The following TUBD1 variants were observed in gnomAD, a reference collection of about 807,000 sequenced individuals.
TUBD1 encodes tubulin delta 1.
A neutral mutation model predicts 51.2 loss-of-function variants in TUBD1; 38 were observed. The observed-to-expected ratio is 0.74, with a 90% CI of 0.57 to 0.97. The LOEUF (loss-of-function observed/expected upper bound fraction) is 0.97, where lower values mean the gene tolerates loss of function less well. Among genes scored for constraint, TUBD1 ranks in the 50% least tolerant of loss-of-function variants. The pLI, the probability that TUBD1 is intolerant of heterozygous loss-of-function variation, is 0.00. For missense variants in TUBD1, 489 were observed against 538.4 expected (o/e 0.91, Z 0.91); for synonymous variants, 169 against 178.2 (o/e 0.95, Z 0.41).
chr17:59,872,393 G>A (rs2040022358), intron 6 of TUBD1, among the ~76,000 whole-genome samples: 1 of 152,036 alleles, frequency 6.6e-6, no homozygotes, highest in African/African-American at 2.4e-5. Context: ...TCACATCTGA[G>A]AAGGGATTCA....
chr17:59,864,790 G>A (rs949615545), intron 7 of TUBD1, among the ~76,000 whole-genome samples: 1 of 152,008 alleles, frequency 6.6e-6, no homozygotes, highest in African/African-American at 2.4e-5. Flanking sequence ...CACTGTGACT[G>A]GTCCTATTTT....
In TUBD1 at chr17:59,886,181, A is replaced by T; in HGVS notation, c.222T>A (p.Asn74Lys). 1 of 1,613,948 alleles carries T rather than the reference A, an allele frequency of 6.2e-7. No individual in the cohort carries two copies. The highest frequency in any genetic ancestry group is 1.6e-4 in the Middle Eastern group (1 of 6,062). Residue 74 changes from asparagine (N) to lysine (K), a missense_variant, in exon 3 of 9, where the codon AAT becomes AAA. Coordinates refer to ENST00000325752, the MANE Select transcript of TUBD1 (RefSeq NM_016261.4). ...VLVDMEPKVI[N>K]QMLSKAAQSG... ...ACTGGGCAGCCTTTGACAGCATTTGATTGATAACTTTGGGTTCCATGTCAA... is the reference window on the plus strand; with the variant it reads ...ACTGGGCAGCCTTTGACAGCATTTGTTTGATAACTTTGGGTTCCATGTCAA...
intron 3 of TUBD1, 116 bp from the exon 4 acceptor site, chr17:59,881,226 A>G (rs968809124): frequency 3.6e-6 from 3 of 829,680 alleles, no homozygotes; most frequent in Non-Finnish European, 5.7e-6. Context: ...AAGTGAAGGA[A>G]CTCTCATGAA....
chr17:59,887,425 C>CA (rs2040787519), intron 2 of TUBD1, among the ~76,000 whole-genome samples: 1 of 151,652 alleles, frequency 6.6e-6, no homozygotes, highest in South Asian at 2.1e-4. Context: ...AATCACACTG[C>CA]AACGTGATAT....
intron 3 of TUBD1, among the ~76,000 whole-genome samples, chr17:59,883,321 G>A (rs1247066651): frequency 6.6e-6 from 1 of 151,492 alleles, no homozygotes; most frequent in Non-Finnish European, 1.5e-5. Flanking sequence ...CCAGGCTGGA[G>A]TGCAATGGTG....
At chr17:59,883,639 C>G (rs1410032527) in intron 3 of TUBD1, among the ~76,000 whole-genome samples, 2 of 152,074 alleles carry the variant, frequency 1.3e-5, no homozygotes, top group African/African-American at 2.4e-5. Context: ...CTCCTGACCT[C>G]AAGTGATCCA....
chr17:59,866,533 T>A lies in TUBD1; in HGVS notation c.1075+76A>T, dbSNP rs1173535846. On this transcript the variant is annotated intron_variant, in intron 7 of 8. Transcript: ENST00000325752. ...TTCCTTTCTCCAAGAACACAGGGAC[T>A]TTTTAAAAACCATTTGTACCATATA... 4 of 1,546,922 alleles carry A rather than the reference T, an allele frequency of 2.6e-6. No homozygotes were observed. The East Asian group carries it at 9.1e-5, about 35-fold the overall frequency.
intron 6 of TUBD1, among the ~76,000 whole-genome samples, 174 bp from the exon 7 acceptor site, chr17:59,866,923 G>A (rs2039732274): frequency 6.6e-6 from 1 of 151,852 alleles, no homozygotes; most frequent in African/African-American, 2.4e-5. Flanking sequence ...TAGCTGGCTA[G>A]ACAGGATTAG....
At chr17:59,871,199 T>C (rs1031265135) in intron 6 of TUBD1, among the ~76,000 whole-genome samples, 29 of 152,266 alleles carry the variant, frequency 1.9e-4, no homozygotes, top group African/African-American at 6.5e-4. Flanking sequence ...AGAATTATGA[T>C]ATTTATTTAT....
chr17:59,873,244 GT>G (rs780657602), intron 6 of TUBD1, among the ~76,000 whole-genome samples: 1 of 134,810 alleles, frequency 7.4e-6, no homozygotes, highest in African/African-American at 3.2e-5. Flanking sequence ...TACTTAAGTT[GT>G]TTTTTGTTGT....
Position 59,886,234 on chromosome 17 carries a change from GA to G in TUBD1, c.173-5del. On this transcript the variant is annotated splice_polypyrimidine_tract_variant and splice_region_variant and intron_variant, in intron 2 of 8. Coordinates refer to ENST00000325752, the MANE Select transcript of TUBD1 (RefSeq NM_016261.4). ...AGAACAGCCCGGGCAATTGGAACTAGAGGGGGAAAAAAACCCAAAAACATCG... is the reference window on the plus strand; with the variant it reads ...AGAACAGCCCGGGCAATTGGAACTAGGGGGGAAAAAAACCCAAAAACATCG... 6.3e-7 allele frequency: 1 copy of G among 1,599,050 alleles called. No homozygotes were observed. Among genetic ancestry groups the G allele is most frequent in the Non-Finnish European group, 8.5e-7 (1 of 1,175,902 alleles).
rs1360357118 is a variant in TUBD1 at position 59,892,908 on chromosome 17, T to A, written c.-251A>T. On this transcript the variant is annotated 5_prime_UTR_variant, in exon 1 of 9. It removes an upstream start codon present in the reference 5' UTR. Coordinates refer to ENST00000325752, the MANE Select transcript of TUBD1 (RefSeq NM_016261.4). ...TTACGAACTTCAGATATGGTACGCA[T>A]GCTCACTGTCCACCGAACGCTCCAG... 4.3e-6 allele frequency: 2 copies of A among 465,914 alleles called. No individual in the cohort carries two copies. Among genetic ancestry groups the A allele is most frequent in the East Asian group, 6.7e-5 (2 of 29,802 alleles). 28.9% of individuals were successfully genotyped at this position (465,914 alleles called of 1,614,324 possible).
chr17:59,884,307 G>T (rs145305212), intron 3 of TUBD1, among the ~76,000 whole-genome samples: 1,661 of 150,746 alleles, frequency 0.011, 29 homozygotes, highest in African/African-American at 0.038. Context: ...GTCACCTAGG[G>T]ACCTTTAAAA....
intron 6 of TUBD1, among the ~76,000 whole-genome samples, chr17:59,871,872 T>C (rs2039995138): frequency 6.6e-6 from 1 of 152,040 alleles, no homozygotes; most frequent in Admixed American, 6.6e-5. Context: ...CACAGCTCAT[T>C]TTAAACTCAA....
intron 6 of TUBD1, among the ~76,000 whole-genome samples, chr17:59,872,926 A>AT (rs2040061460): frequency 6.6e-6 from 1 of 151,656 alleles, no homozygotes; most frequent in Admixed American, 6.6e-5. Context: ...CGCCCGGCTA[A>AT]TTTTTTTGTA....
chr17:59,875,135 G>A (rs2040169879), intron 5 of TUBD1, among the ~76,000 whole-genome samples: 1 of 134,792 alleles, frequency 7.4e-6, no homozygotes, highest in East Asian at 2.2e-4. Context: ...GAGGAGTGCA[G>A]TGGCGTGATC....
Position 59,860,172 on chromosome 17 carries a change from C to T in TUBD1, c.*150G>A, listed in dbSNP as rs1299253. ...CTGGGACTACAGGCACCCGCCACCG[C>T]GCCTGGCTAATTTTTTGTATTTTCT... On this transcript the variant is annotated 3_prime_UTR_variant, in exon 9 of 9. Coordinates refer to ENST00000325752, the MANE Select transcript of TUBD1 (RefSeq NM_016261.4). 1.6e-5 allele frequency: 9 copies of T among 567,596 alleles called. No homozygotes were observed. The highest frequency in any genetic ancestry group is 1.3e-4 in the African/African-American group (7 of 51,872). 35.2% of individuals were successfully genotyped at this position (567,596 alleles called of 1,614,324 possible).
chr17:59,891,098 A>G, intron 1 of TUBD1, 57 bp from the exon 2 acceptor site: 3 of 915,896 alleles, frequency 3.3e-6, no homozygotes, highest in Non-Finnish European at 4.9e-6. Flanking sequence ...AGAACAAATA[A>G]AATGCCATGT....
At chr17:59,872,145 G>A (rs1003732630) in intron 6 of TUBD1, among the ~76,000 whole-genome samples, 1 of 152,094 alleles carries the variant, frequency 6.6e-6, no homozygotes, top group African/African-American at 2.4e-5. Flanking sequence ...AGTAGAGATG[G>A]GGTTTCTACT....
Sources: gnomAD v4.1 joint callset for allele counts (sites outside exome capture counted in the v4.1 genomes callset) on GRCh38, gnomAD v4.1.1 for gene constraint, MANE v1.5 for transcripts, NCBI Gene and HGNC (gene_info 2026-07-23, HGNC 2026-07-21) for gene names.